GRIA2: variants seen among roughly 807,000 people sequenced by gnomAD.
GRIA2 encodes the protein glutamate ionotropic receptor AMPA type subunit 2, also known as glutamate receptor 2.
In GRIA2, 14 loss-of-function variants were observed where a neutral mutation model predicts 97.3. That is an observed-to-expected ratio of 0.14 (90% CI 0.10 to 0.23). The LOEUF (loss-of-function observed/expected upper bound fraction) is 0.23. GRIA2 is among the 10% of genes least tolerant of loss of function. The pLI is 1.00. For synonymous variants in GRIA2, 412 were observed against 387.8 expected, an observed-to-expected ratio of 1.06 and a Z score of -0.73; for missense variants, 558 against 1,069.8, an observed-to-expected ratio of 0.52 and a Z score of 6.67.
At position 157,284,141 on chromosome 4, in the gene GRIA2, C is replaced by A. The variant is rs139526476; in HGVS notation, c.230-19411C>A. ...GACCCAGAAGAAACTTAATGAGATG[C>A]AATTTATAATTCTTCTGAAGCCCAA... On this transcript the variant is annotated intron_variant, in intron 2 of 15. Coordinates refer to ENST00000264426, the MANE Select transcript of GRIA2 (RefSeq NM_001083619.3). 3.1e-3 allele frequency among the ~76,000 whole-genome samples: 477 copies of A among 151,916 alleles called. 2 individuals are homozygous for A. Among genetic ancestry groups the A allele is most frequent in the African/African-American group, 0.011 (466 of 41,522 alleles).
chr4:157,238,309 T>G (rs1195428230), intron 2 of GRIA2, among the ~76,000 whole-genome samples: 3 of 152,152 alleles, frequency 2.0e-5, no homozygotes, highest in Non-Finnish European at 4.4e-5. Context: ...CTTTAACCAC[T>G]TTATTTTGTA....
intron 2 of GRIA2, among the ~76,000 whole-genome samples, chr4:157,228,852 A>T (rs1359425000): frequency 6.6e-6 from 1 of 150,522 alleles, no homozygotes; most frequent in African/African-American, 2.5e-5. Flanking sequence ...CCCACCAAAA[A>T]AAAACCCAAA....
At chr4:157,244,398 C>T (rs749939089) in intron 2 of GRIA2, among the ~76,000 whole-genome samples, 3 of 152,016 alleles carry the variant, frequency 2.0e-5, no homozygotes, top group Non-Finnish European at 2.9e-5. Flanking sequence ...TCTTAACCCC[C>T]TACCTCCTTA....
At chr4:157,228,383 AGTT>A (rs1460454174) in intron 2 of GRIA2, among the ~76,000 whole-genome samples, 1 of 152,186 alleles carries the variant, frequency 6.6e-6, no homozygotes, top group Non-Finnish European at 1.5e-5. Flanking sequence ...ATATTGTCAA[AGTT>A]GTTATTTTTA....
chr4:157,346,158 C>T (rs370688860), intron 12 of GRIA2, among the ~76,000 whole-genome samples: 479 of 152,028 alleles, frequency 3.2e-3, no homozygotes, highest in African/African-American at 0.01. Flanking sequence ...ACTCTCTCTA[C>T]GGCATACAAT....
At chr4:157,263,121 T>G (rs1368601542) in intron 2 of GRIA2, among the ~76,000 whole-genome samples, 1 of 152,124 alleles carries the variant, frequency 6.6e-6, no homozygotes, top group East Asian at 1.9e-4. Context: ...CTTACATGGT[T>G]ATTTCCTTTG....
At chr4:157,228,674 T>C (rs1362654077) in intron 2 of GRIA2, among the ~76,000 whole-genome samples, 1 of 148,952 alleles carries the variant, frequency 6.7e-6, no homozygotes, top group Non-Finnish European at 1.5e-5. Context: ...CCATCTGTAG[T>C]CCCAGCTACT....
intron 2 of GRIA2, among the ~76,000 whole-genome samples, chr4:157,227,939 G>GA (rs200252120): frequency 4.0e-5 from 6 of 150,036 alleles, no homozygotes; most frequent in East Asian, 3.9e-4. Flanking sequence ...TACTAGTTTG[G>GA]AAAAAAAAAG....
At chr4:157,283,276 G>A (rs770801021) in intron 2 of GRIA2, among the ~76,000 whole-genome samples, 1 of 151,740 alleles carries the variant, frequency 6.6e-6, no homozygotes, top group African/African-American at 2.4e-5. Context: ...TGAGATTGTC[G>A]GACTTTGCAG....
intron 2 of GRIA2, among the ~76,000 whole-genome samples, chr4:157,277,804 AAT>A (rs906854530): frequency 2.0e-4 from 30 of 147,322 alleles, no homozygotes; most frequent in African/African-American, 6.7e-4. Context: ...AATATAATAA[AAT>A]ATGTATGCTA....
rs1287734753 is a variant in GRIA2 at position 157,336,345 on chromosome 4, G to T, written c.1474-32G>T. ...CGATTCCTTTTTCACCATGACTCCA[G>T]GTACTATTACTTTCCTTTTTTTCCC... On this transcript the variant is annotated intron_variant, in intron 10 of 15. Transcript: ENST00000264426. 3 of 1,492,648 alleles carry T rather than the reference G, an allele frequency of 2.0e-6. No homozygotes were observed. The East Asian group carries it at 6.8e-5, about 34-fold the overall frequency. The allele number at this position is 1,492,648 out of a possible 1,614,324, so 92.5% of individuals were successfully genotyped here.
At chr4:157,283,056 A>G (rs1365953796) in intron 2 of GRIA2, among the ~76,000 whole-genome samples, 2 of 152,088 alleles carry the variant, frequency 1.3e-5, no homozygotes, top group Admixed American at 6.6e-5. Context: ...CTATTGAAAT[A>G]TCTACCTCTA....
intron 2 of GRIA2, among the ~76,000 whole-genome samples, chr4:157,271,339 T>G (rs1732015274): frequency 6.6e-6 from 1 of 152,054 alleles, no homozygotes; most frequent in Non-Finnish European, 1.5e-5. Flanking sequence ...TCCCTGCTGC[T>G]GCCTTCAGAT....
intron 2 of GRIA2, among the ~76,000 whole-genome samples, chr4:157,237,289 GTTTTTT>G: frequency 7.0e-6 from 1 of 142,384 alleles, no homozygotes; most frequent in South Asian, 2.2e-4. Flanking sequence ...AAATGTATAA[GTTTTTT>G]TTTTTTTTTT....
intron 6 of GRIA2, among the ~76,000 whole-genome samples, chr4:157,325,847 A>G (rs1158312662): frequency 6.6e-6 from 1 of 152,226 alleles, no homozygotes; most frequent in East Asian, 1.9e-4. Flanking sequence ...CCATAGGATT[A>G]TTACAACAGT....
chr4:157,234,237 C>T (rs1200420117), intron 2 of GRIA2, among the ~76,000 whole-genome samples: 3 of 151,926 alleles, frequency 2.0e-5, no homozygotes, highest in Non-Finnish European at 2.9e-5. Flanking sequence ...TTCCAATTCC[C>T]CTGAGTATAT....
At chr4:157,248,409 A>G (rs1186791324) in intron 2 of GRIA2, among the ~76,000 whole-genome samples, 1 of 149,694 alleles carries the variant, frequency 6.7e-6, no homozygotes, top group East Asian at 2.0e-4. Context: ...TATATTCAAA[A>G]TACAAAAATT....
At chr4:157,315,377 C>CAA (rs1313075078) in intron 4 of GRIA2, among the ~76,000 whole-genome samples, 1 of 53,828 alleles carries the variant, frequency 1.9e-5, no homozygotes, top group Non-Finnish European at 3.7e-5. Context: ...AGGTACATTC[C>CAA]AAAAAAAAAA....
intron 2 of GRIA2, among the ~76,000 whole-genome samples, chr4:157,246,572 A>G (rs1730742743): frequency 6.6e-6 from 1 of 152,152 alleles, no homozygotes; most frequent in Admixed American, 6.5e-5. Flanking sequence ...TCGACTGGAT[A>G]TCAAGTTCAT....
Sources: gnomAD v4.1 joint callset for allele counts (sites outside exome capture counted in the v4.1 genomes callset) on GRCh38, gnomAD v4.1.1 for gene constraint, MANE v1.5 for transcripts, NCBI Gene and HGNC (gene_info 2026-07-23, HGNC 2026-07-21) for gene names.